The following FLT3 variants were observed in gnomAD, a reference collection of about 807,000 sequenced individuals.
The protein encoded by FLT3 is fms related receptor tyrosine kinase 3.
In FLT3, 46 loss-of-function variants were observed where a neutral mutation model predicts 126.6. The observed-to-expected ratio is 0.36, with a 90% CI of 0.29 to 0.46. The LOEUF is 0.46. FLT3 is among the 20% of genes least tolerant of loss of function. The pLI is 1.00. For synonymous variants in FLT3, 404 were observed against 434.4 expected, an observed-to-expected ratio of 0.93 and a Z score of 0.87; for missense variants, 1,069 against 1,190.3, an observed-to-expected ratio of 0.90 and a Z score of 1.50.
At chr13:28,078,991 C>T (rs141184671) in intron 1 of FLT3, among the ~76,000 whole-genome samples, 67 of 152,272 alleles carry the variant, frequency 4.4e-4, no homozygotes, top group African/African-American at 1.5e-3. Context: ...GGGTTACAGG[C>T]GTGAGCCACC....
intron 17 of FLT3, 69 bp downstream of exon 17, chr13:28,027,019 G>A (rs1872869268): frequency 7.2e-7 from 1 of 1,388,686 alleles, no homozygotes; most frequent in Admixed American, 1.8e-5. Flanking sequence ...TCAACGAAGT[G>A]TGTTTGAACA....
At chr13:28,015,059 T>C in intron 22 of FLT3, 98 bp downstream of exon 22, 2 of 713,612 alleles carry the variant, frequency 2.8e-6, no homozygotes, top group Admixed American at 4.9e-5. Context: ...CCTATACGCT[T>C]TGCACTAAGG....
At chr13:28,067,558 A>C (rs1308106150) in intron 2 of FLT3, 1 of 154,138 alleles carries the variant, frequency 6.5e-6, no homozygotes, top group East Asian at 1.9e-4. Flanking sequence ...CAGAGCCATG[A>C]AGGCACTGGA....
intron 15 of FLT3, among the ~76,000 whole-genome samples, chr13:28,031,732 G>A (rs1440782800): frequency 6.6e-6 from 1 of 152,192 alleles, no homozygotes; most frequent in Non-Finnish European, 1.5e-5. Context: ...CCCACAGTGG[G>A]TGGGAGGACA....
At chr13:28,071,391 C>T (rs1244537865) in intron 1 of FLT3, among the ~76,000 whole-genome samples, 1 of 151,958 alleles carries the variant, frequency 6.6e-6, no homozygotes, top group Non-Finnish European at 1.5e-5. Flanking sequence ...AAATTATGTG[C>T]CTTCCTGAGA....
chr13:28,077,024 A>AGG (rs1437231401), intron 1 of FLT3, among the ~76,000 whole-genome samples: 143 of 4,834 alleles, frequency 0.03, no homozygotes, highest in African/African-American at 0.063. Context: ...GAAGGAAGGA[A>AGG]AAGAAAGAGA....
intron 4 of FLT3, among the ~76,000 whole-genome samples, chr13:28,057,008 G>T (rs1272113821): frequency 1.3e-5 from 2 of 152,196 alleles, no homozygotes; most frequent in Non-Finnish European, 2.9e-5. Context: ...ATAGGTGGTA[G>T]TATCAGAACC....
At chr13:28,014,270 CAATA>C (rs201189605) in intron 23 of FLT3, among the ~76,000 whole-genome samples, 178 bp downstream of exon 23, 3 of 151,838 alleles carry the variant, frequency 2.0e-5, no homozygotes, top group African/African-American at 7.3e-5. Flanking sequence ...GACCCTGTCT[CAATA>C]AATAAATAAA....
intron 19 of FLT3, among the ~76,000 whole-genome samples, chr13:28,018,973 T>C (rs1192200347): frequency 6.6e-6 from 1 of 150,640 alleles, no homozygotes; most frequent in Non-Finnish European, 1.5e-5. Context: ...CTTTTCTTTT[T>C]TTTTTTTTTT....
chr13:28,100,335 G>T lies in FLT3; in HGVS notation c.43+133C>A. On this transcript the variant is annotated intron_variant, in intron 1 of 23. Coordinates refer to ENST00000241453, the MANE Select transcript of FLT3 (RefSeq NM_004119.3). The surrounding 1 kb of genome is among the most constrained non-coding windows in gnomAD (Gnocchi z 4.8). Reference sequence around the variant, plus strand: ...AGGGCGCGAAAGAGGGGAGGGGCGCGGGAGGCAATGGAAGGAGCGAGCGCG... The same window carrying T: ...AGGGCGCGAAAGAGGGGAGGGGCGCTGGAGGCAATGGAAGGAGCGAGCGCG... 1 of 538,456 alleles carries T rather than the reference G, an allele frequency of 1.9e-6. No individual in the cohort carries two copies. Among genetic ancestry groups the T allele is most frequent in the Non-Finnish European group, 2.7e-6 (1 of 364,386 alleles). 33.4% of individuals were successfully genotyped at this position (538,456 alleles called of 1,614,324 possible). A position where few individuals can be genotyped will look rare whatever the true frequency, so the allele number is the denominator to read the frequency against.
chr13:28,096,951 C>T (rs1316779), intron 1 of FLT3, among the ~76,000 whole-genome samples: 11,213 of 152,186 alleles, frequency 0.074, 566 homozygotes, highest in Middle Eastern at 0.17. Flanking sequence ...CTGTCAGGCA[C>T]GGTAGCTCAC....
rs756134716 is a variant in FLT3 at position 28,024,954 on chromosome 13, AT to A, written c.2208-12del. 2.5e-6 allele frequency: 4 copies of A among 1,589,292 alleles called. No individual in the cohort carries two copies. In the Admixed American group the frequency reaches 7.1e-5, roughly 28 times the overall value. The stretch of plus-strand genomic sequence containing the variant: ...CTTGAACCAGGCATGCTATTAAAAA[AT>A]TTTGTTTTTTCATTATTTACATTAT... On this transcript the variant is annotated splice_polypyrimidine_tract_variant and intron_variant, in intron 17 of 23. Coordinates refer to ENST00000241453, the MANE Select transcript of FLT3 (RefSeq NM_004119.3).
At chr13:28,020,105 A>G (rs1334347627) in intron 19 of FLT3, among the ~76,000 whole-genome samples, 1 of 151,972 alleles carries the variant, frequency 6.6e-6, no homozygotes, top group Non-Finnish European at 1.5e-5. Context: ...CCTTTCTCCA[A>G]AAAAAACTCC....
chr13:28,066,801 C>A (rs1379011066), intron 2 of FLT3, among the ~76,000 whole-genome samples: 1 of 152,116 alleles, frequency 6.6e-6, no homozygotes, highest in Non-Finnish European at 1.5e-5. Flanking sequence ...AGGCAAGATC[C>A]ACCAATGGGT....
chr13:28,007,526 C>T (rs142958099), intron 23 of FLT3, among the ~76,000 whole-genome samples: 14 of 152,144 alleles, frequency 9.2e-5, no homozygotes, highest in Admixed American at 2.0e-4. Flanking sequence ...GGATTACAGG[C>T]GTGAGCCACC....
intron 20 of FLT3, among the ~76,000 whole-genome samples, chr13:28,016,993 G>A (rs753420667): frequency 1.3e-5 from 2 of 152,122 alleles, no homozygotes; most frequent in Non-Finnish European, 2.9e-5. Context: ...TAACCCTCAT[G>A]GGAAACACTA....
intron 19 of FLT3, among the ~76,000 whole-genome samples, chr13:28,022,240 G>T (rs1489042912): frequency 6.6e-6 from 1 of 152,006 alleles, no homozygotes; most frequent in Non-Finnish European, 1.5e-5. Context: ...GGCCGAGTGT[G>T]GTGGCTCACG....
chr13:28,046,734 T>C (rs113983632), intron 9 of FLT3, among the ~76,000 whole-genome samples: 1 of 152,016 alleles, frequency 6.6e-6, no homozygotes, highest in Non-Finnish European at 1.5e-5. Flanking sequence ...TAGCTGGGAC[T>C]AAAGGTGTAC....
chr13:28,080,340 C>A (rs1031876046), intron 1 of FLT3, among the ~76,000 whole-genome samples: 1 of 152,196 alleles, frequency 6.6e-6, no homozygotes, highest in African/African-American at 2.4e-5. Flanking sequence ...CGCACCACTG[C>A]TCTCCAGCCT....
Sources: allele counts gnomAD v4.1 joint callset (sites outside exome capture counted in the v4.1 genomes callset), GRCh38; gene constraint gnomAD v4.1.1; non-coding constraint Gnocchi (gnomAD v3.1); transcripts MANE v1.5; gene names NCBI Gene and HGNC (gene_info 2026-07-23, HGNC 2026-07-21).